The following DOCK11 variants were observed in gnomAD, a reference collection of about 807,000 sequenced individuals.
DOCK11 encodes the protein dedicator of cytokinesis protein 11.
In DOCK11, 70 loss-of-function variants were observed where a neutral mutation model predicts 169.1. That is an observed-to-expected ratio of 0.41 (90% CI 0.34 to 0.51). The LOEUF (loss-of-function observed/expected upper bound fraction) is 0.51. Ranked by LOEUF, DOCK11 falls within the 20% of genes least tolerant of loss-of-function variation. The pLI is 0.10. For synonymous variants in DOCK11, 529 were observed against 541.3 expected (o/e 0.98, Z 0.32); for missense variants, 1,166 against 1,538.8 (o/e 0.76, Z 4.05).
chrX:118,545,424 T>C, intron 5 of DOCK11, 32 bp downstream of exon 5: 4 of 1,054,492 alleles, frequency 3.8e-6, no homozygotes, highest in Middle Eastern at 2.6e-4. Flanking sequence ...GGGGTAACTG[T>C]GCTAGTTTCC....
At chrX:118,522,765 G>C (rs975324406) in intron 1 of DOCK11, among the ~76,000 whole-genome samples, 14 of 111,504 alleles carry the variant, frequency 1.3e-4, no homozygotes, top group African/African-American at 4.3e-4. Flanking sequence ...GGGCCCACCT[G>C]GAATCCTCTC....
Position 118,496,092 on chromosome X carries a change from G to A in DOCK11, c.102+19G>A. 1.0e-6 allele frequency: 1 copy of A among 974,496 alleles called. No homozygotes were observed. The highest frequency in any genetic ancestry group is 2.0e-5 in the African/African-American group (1 of 49,962). The allele number at this position is 974,496 out of a possible 1,213,427, so 80.3% of individuals were successfully genotyped here. On this transcript the variant is annotated intron_variant, in intron 1 of 52. Coordinates refer to ENST00000276202, the MANE Select transcript of DOCK11 (RefSeq NM_144658.4). ...GGTGCTGGTGAGTGGCCGGGGGACG[G>A]GGCATCCCGGGGGACGCGCTCCAGG... is the stretch of plus-strand genomic sequence containing the variant.
intron 6 of DOCK11, among the ~76,000 whole-genome samples, chrX:118,554,356 C>T (rs2147363686): frequency 9.0e-6 from 1 of 111,004 alleles, no homozygotes; most frequent in African/African-American, 3.3e-5. Flanking sequence ...TCAAGACCAG[C>T]CTGGCCAACA....
chrX:118,656,267 TAATAAATAAATA>T (rs749224053), intron 44 of DOCK11, among the ~76,000 whole-genome samples: 3 of 108,084 alleles, frequency 2.8e-5, no homozygotes, highest in African/African-American at 1.0e-4. Flanking sequence ...TCTCAAAAAA[TAATAAATAAATA>T]AATAAATAAA....
intron 48 of DOCK11, among the ~76,000 whole-genome samples, chrX:118,679,476 A>G (rs1262766989): frequency 1.8e-5 from 2 of 112,095 alleles, no homozygotes; most frequent in Non-Finnish European, 3.8e-5. Context: ...ATGGTGGCTC[A>G]TGCCTATAAT....
At chrX:118,496,148 C>A in intron 1 of DOCK11, 75 bp downstream of exon 1, 1 of 728,776 alleles carries the variant, frequency 1.4e-6, no homozygotes, top group Non-Finnish European at 1.7e-6. Context: ...GCAGGAACGG[C>A]GCCAGTGCGG....
intron 1 of DOCK11, among the ~76,000 whole-genome samples, chrX:118,515,302 C>G (rs1383173107): frequency 8.9e-6 from 1 of 112,131 alleles, no homozygotes; most frequent in Non-Finnish European, 1.9e-5. Flanking sequence ...GGTGCAATCT[C>G]GGCTTACCGC....
intron 1 of DOCK11, among the ~76,000 whole-genome samples, chrX:118,511,481 A>G (rs34360756): frequency 0.13 from 14,267 of 111,606 alleles, 685 homozygotes; most frequent in Middle Eastern, 0.19. Flanking sequence ...TCCTATTTAA[A>G]TCTTTTTTAG....
intron 1 of DOCK11, among the ~76,000 whole-genome samples, chrX:118,504,138 G>A (rs941708602): frequency 1.8e-5 from 2 of 109,754 alleles, no homozygotes; most frequent in South Asian, 4.0e-4. Flanking sequence ...CCCCATCTCC[G>A]ACCCCCACCC....
chrX:118,567,024 T>C (rs1197004545), intron 9 of DOCK11, among the ~76,000 whole-genome samples: 1 of 112,398 alleles, frequency 8.9e-6, no homozygotes, highest in African/African-American at 3.2e-5. Flanking sequence ...GACCAACATA[T>C]GTTAATCTCA....
chrX:118,578,714 A>C, intron 13 of DOCK11, 67 bp downstream of exon 13: 1 of 1,046,772 alleles, frequency 9.6e-7, no homozygotes, highest in Non-Finnish European at 1.3e-6. Context: ...CTGATATTTT[A>C]AATGCCATTG....
At chrX:118,648,613 AATATATAATAC>A (rs1274864917) in intron 40 of DOCK11, among the ~76,000 whole-genome samples, 1 of 100,622 alleles carries the variant, frequency 9.9e-6, no homozygotes, top group East Asian at 2.9e-4. Flanking sequence ...ATTAATATAT[AATATATAATAC>A]ATATATAATA....
In DOCK11 at chrX:118,649,145, C is replaced by G; in HGVS notation, c.4581+18C>G. On this transcript the variant is annotated intron_variant, in intron 41 of 52. Coordinates refer to ENST00000276202, the MANE Select transcript of DOCK11 (RefSeq NM_144658.4). ...ATCTACAGGTCAGTGAAAATAAAAGCGCCTCTTCATCTTTCTTCTCTTCAA... is the reference window on the plus strand; with the variant it reads ...ATCTACAGGTCAGTGAAAATAAAAGGGCCTCTTCATCTTTCTTCTCTTCAA... 8.7e-7 allele frequency: 1 copy of G among 1,145,048 alleles called. No individual in the cohort carries two copies. The highest frequency in any genetic ancestry group is 1.2e-6 in the Non-Finnish European group (1 of 861,635). The allele number at this position is 1,145,048 out of a possible 1,213,427, so 94.4% of individuals were successfully genotyped here. A position where few individuals can be genotyped will look rare whatever the true frequency, so the allele number is the denominator to read the frequency against.
At chrX:118,635,736 G>A (rs961628771) in intron 35 of DOCK11, among the ~76,000 whole-genome samples, 5 of 110,641 alleles carry the variant, frequency 4.5e-5, no homozygotes, top group African/African-American at 1.6e-4. Flanking sequence ...TATAGGCGCT[G>A]GCCACCACGC....
At chrX:118,662,559 G>T (rs377057571) in intron 44 of DOCK11, 127 bp from the exon 45 acceptor site, 2 of 408,342 alleles carry the variant, frequency 4.9e-6, no homozygotes, top group Non-Finnish European at 8.5e-6. Flanking sequence ...AGTGAAAATT[G>T]TACTTAAGAC....
intron 38 of DOCK11, among the ~76,000 whole-genome samples, 178 bp from the exon 39 acceptor site, chrX:118,641,012 T>G (rs1350500941): frequency 9.0e-6 from 1 of 111,314 alleles, no homozygotes; most frequent in African/African-American, 3.3e-5. Context: ...CAGGCTGGTC[T>G]TGAACTGACC....
Position 118,574,788 on chromosome X carries a change from G to A in DOCK11, c.1389+770G>A, listed in dbSNP as rs139496366. On this transcript the variant is annotated intron_variant, in intron 12 of 52. Transcript: ENST00000276202. Reference sequence around the variant, plus strand: ...AAGGAGTTTTACTTGAAAAGCAATGGGCGGGAACTGCTTGTGTCATAGCTG... The same window carrying A: ...AAGGAGTTTTACTTGAAAAGCAATGAGCGGGAACTGCTTGTGTCATAGCTG... Among the ~76,000 whole-genome samples the A allele has an allele frequency of 3.0e-3, 334 of 111,891 alleles. 4 individuals carry two copies. Among genetic ancestry groups the A allele is most frequent in the Admixed American group, 0.021 (221 of 10,516 alleles).
intron 20 of DOCK11, among the ~76,000 whole-genome samples, chrX:118,596,909 G>A (rs926303303): frequency 1.8e-4 from 20 of 111,650 alleles, no homozygotes; most frequent in African/African-American, 5.5e-4. Context: ...GAGTGTAGCC[G>A]TGACTTTGTG....
chrX:118,533,148 C>T (rs980441258), intron 1 of DOCK11, among the ~76,000 whole-genome samples: 7 of 110,795 alleles, frequency 6.3e-5, no homozygotes, highest in African/African-American at 2.3e-4. Context: ...CCCATCACCA[C>T]ATCTGGCTAA....
Sources: allele counts gnomAD v4.1 joint callset (sites outside exome capture counted in the v4.1 genomes callset), GRCh38; gene constraint gnomAD v4.1.1; transcripts MANE v1.5; gene names NCBI Gene and HGNC (gene_info 2026-07-23, HGNC 2026-07-21).